RORA: variants seen among roughly 807,000 people sequenced by gnomAD.
The protein encoded by RORA is RAR related orphan receptor A, also known as nuclear receptor ROR-alpha.
In RORA, 7 loss-of-function variants were observed where a neutral mutation model predicts 69.5. That is an observed-to-expected ratio of 0.10 (90% CI 0.06 to 0.19). The LOEUF (loss-of-function observed/expected upper bound fraction) is 0.19. RORA is among the 10% of genes least tolerant of loss of function. RORA has a pLI of 1.00. For missense variants in RORA, 457 were observed against 663.0 expected (o/e 0.69, Z 3.41); for synonymous variants, 261 against 240.8 (o/e 1.08, Z -0.78).
intron 1 of RORA, among the ~76,000 whole-genome samples, chr15:61,161,526 C>T (rs556596911): frequency 1.3e-5 from 2 of 152,252 alleles, no homozygotes; most frequent in African/African-American, 2.4e-5. Context: ...AATGTATGCG[C>T]ATTCACATAG....
chr15:60,608,343 ATGT>A (rs1256087473), intron 2 of RORA, among the ~76,000 whole-genome samples: 3 of 152,142 alleles, frequency 2.0e-5, no homozygotes, highest in Non-Finnish European at 4.4e-5. Flanking sequence ...TATTATCATT[ATGT>A]TGTTGTTAAT....
chr15:60,952,463 AT>A (rs1288535617), intron 1 of RORA, among the ~76,000 whole-genome samples: 1 of 151,954 alleles, frequency 6.6e-6, no homozygotes, highest in Non-Finnish European at 1.5e-5. Context: ...GGAGAAGGAA[AT>A]AAAGGGTATT....
chr15:60,857,801 T>C (rs992139772), intron 1 of RORA, among the ~76,000 whole-genome samples: 3 of 152,232 alleles, frequency 2.0e-5, no homozygotes, highest in African/African-American at 4.8e-5. Flanking sequence ...AGAACTTTGG[T>C]TTCTGAGGCA....
chr15:60,992,692 C>T (rs1894417851), intron 1 of RORA, among the ~76,000 whole-genome samples: 2 of 152,150 alleles, frequency 1.3e-5, no homozygotes, highest in East Asian at 3.9e-4. Flanking sequence ...TGGATGTTTT[C>T]AGAGAGCCAT....
chr15:60,845,223 T>C (rs564852460), intron 1 of RORA, among the ~76,000 whole-genome samples: 1 of 152,284 alleles, frequency 6.6e-6, no homozygotes, highest in South Asian at 2.1e-4. Flanking sequence ...TGAATGACCA[T>C]CACTACGTCA....
chr15:60,956,431 G>A (rs1893270010), intron 1 of RORA, among the ~76,000 whole-genome samples: 1 of 152,198 alleles, frequency 6.6e-6, no homozygotes, highest in African/African-American at 2.4e-5. Context: ...TGCTCACAGA[G>A]CAAGACCTGC....
intron 1 of RORA, among the ~76,000 whole-genome samples, chr15:60,861,102 T>C (rs753123902): frequency 1.8e-4 from 28 of 152,220 alleles, no homozygotes; most frequent in Non-Finnish European, 3.7e-4. Context: ...TTACTGAGGA[T>C]GTCAGCAATA....
chr15:60,698,189 C>A (rs2070931944), intron 1 of RORA, among the ~76,000 whole-genome samples: 1 of 152,122 alleles, frequency 6.6e-6, no homozygotes, highest in South Asian at 2.1e-4. Context: ...CCAGGAGCGT[C>A]AGTAGCTATA....
At chr15:60,553,574 T>C (rs1031864196) in intron 2 of RORA, among the ~76,000 whole-genome samples, 4 of 152,174 alleles carry the variant, frequency 2.6e-5, no homozygotes, top group Non-Finnish European at 5.9e-5. Context: ...CCCCAAATTA[T>C]GACACTTTGG....
intron 1 of RORA, among the ~76,000 whole-genome samples, chr15:61,053,098 G>A (rs2078035973): frequency 6.6e-6 from 1 of 152,150 alleles, no homozygotes; most frequent in Non-Finnish European, 1.5e-5. Context: ...AACCAATGCT[G>A]TGTTATCAGG....
intron 2 of RORA, chr15:60,592,747 T>TGCCCTCCCGCGCCCCGGGCCC (rs2068571616): frequency 1.9e-6 from 2 of 1,073,092 alleles, no homozygotes; most frequent in African/African-American, 1.8e-5. Context: ...CGGCCGGGCC[T>TGCCCTCCCGCGCCCCGGGCCC]GCCCTCCCGC....
chr15:61,058,357 G>A lies in RORA; in HGVS notation c.166+170696C>T, dbSNP rs146400022. Among the ~76,000 whole-genome samples, 592 of 152,224 alleles carry A rather than the reference G, an allele frequency of 3.9e-3. 6 individuals are homozygous for A. The highest frequency in any genetic ancestry group is 0.013 in the African/African-American group (544 of 41,510). Reference sequence around the variant, plus strand: ...CCATTGGATGAGTGAATGTGCAGGCGGTGCCAGTTCAGGAGGAAGAAGGAA... The same window carrying A: ...CCATTGGATGAGTGAATGTGCAGGCAGTGCCAGTTCAGGAGGAAGAAGGAA... On this transcript the variant is annotated intron_variant, in intron 1 of 10. Transcript: ENST00000335670.
intron 2 of RORA, among the ~76,000 whole-genome samples, chr15:60,610,742 G>GA (rs928477522): frequency 3.3e-5 from 5 of 151,318 alleles, no homozygotes; most frequent in South Asian, 2.1e-4. Context: ...GAGAGAGAAG[G>GA]AAAAAAAACC....
At chr15:61,156,201 G>A (rs1296518190) in intron 1 of RORA, among the ~76,000 whole-genome samples, 1 of 152,050 alleles carries the variant, frequency 6.6e-6, no homozygotes, top group African/African-American at 2.4e-5. Flanking sequence ...GAAAAGAGAG[G>A]AAAACAAGGG....
At chr15:60,684,087 A>G (rs1596123720) in intron 1 of RORA, among the ~76,000 whole-genome samples, 1 of 151,358 alleles carries the variant, frequency 6.6e-6, no homozygotes, top group East Asian at 1.9e-4. Flanking sequence ...AGTTAATTTT[A>G]CTTTTTTTTC....
At chr15:60,764,712 T>C (rs568431791) in intron 1 of RORA, 1 of 152,312 alleles carries the variant, frequency 6.6e-6, no homozygotes, top group East Asian at 1.9e-4. Context: ...TTACTCTGAG[T>C]TACTAATTCA....
At chr15:60,928,552 G>A (rs1892281559) in intron 1 of RORA, among the ~76,000 whole-genome samples, 1 of 152,118 alleles carries the variant, frequency 6.6e-6, no homozygotes, top group South Asian at 2.1e-4. Context: ...AAGTGGAGAG[G>A]TTAAACTAAT....
At chr15:61,182,913 G>A (rs938696705) in intron 1 of RORA, 3 of 152,238 alleles carry the variant, frequency 2.0e-5, no homozygotes, top group Non-Finnish European at 2.9e-5. Flanking sequence ...CTTCTATAAC[G>A]TTCCTAACCA....
intron 1 of RORA, among the ~76,000 whole-genome samples, chr15:61,129,556 A>C (rs145283278): frequency 0.012 from 1,815 of 152,280 alleles, 10 homozygotes; most frequent in Non-Finnish European, 0.017. Context: ...AATGTACTTA[A>C]AGCCAATGCC....
Sources: gnomAD v4.1 joint callset for allele counts (sites outside exome capture counted in the v4.1 genomes callset) on GRCh38, gnomAD v4.1.1 for gene constraint, MANE v1.5 for transcripts, NCBI Gene and HGNC (gene_info 2026-07-23, HGNC 2026-07-21) for gene names.